AKAP19: variants seen among roughly 807,000 people sequenced by gnomAD.
AKAP19 encodes small A-kinase anchoring protein.
the AKAP19 span, among the ~76,000 whole-genome samples, chr2:190,083,913 G>A: frequency 1.4e-4 from 22 of 152,018 alleles, no homozygotes; most frequent in Admixed American, 1.3e-4. Context: ...GTCACACAGC[G>A]AGCAAGTTAC....
chr2:189,927,435 G>A, the AKAP19 span, among the ~76,000 whole-genome samples: 2 of 152,110 alleles, frequency 1.3e-5, no homozygotes, highest in Non-Finnish European at 2.9e-5. Context: ...GTACAAATAA[G>A]TTTTAGTGAG....
chr2:190,199,712 GA>G, the AKAP19 span: 1 of 1,467,034 alleles, frequency 6.8e-7, no homozygotes, highest in Non-Finnish European at 9.0e-7. Context: ...CACTACACGT[GA>G]AGAGTGGTGA....
chr2:190,107,525 T>A, the AKAP19 span, among the ~76,000 whole-genome samples: 1 of 152,210 alleles, frequency 6.6e-6, no homozygotes, highest in Non-Finnish European at 1.5e-5. Flanking sequence ...AAATATGGAA[T>A]TGGGCCGGTT....
the AKAP19 span, among the ~76,000 whole-genome samples, chr2:190,039,746 C>T: frequency 6.6e-6 from 1 of 152,024 alleles, no homozygotes; most frequent in Non-Finnish European, 1.5e-5. Context: ...TCATTTAGCT[C>T]CCACTTTAAA....
chr2:190,115,362 C>G, the AKAP19 span, among the ~76,000 whole-genome samples: 1 of 95,342 alleles, frequency 1.0e-5, no homozygotes, highest in Non-Finnish European at 1.9e-5. Context: ...CTCTGTCGCC[C>G]AGGCTGGAGT....
At chr2:190,043,186 T>C in the AKAP19 span, among the ~76,000 whole-genome samples, 1 of 152,184 alleles carries the variant, frequency 6.6e-6, no homozygotes, top group African/African-American at 2.4e-5. Flanking sequence ...GTGATCTTCT[T>C]GTGTAGTATC....
At chr2:189,904,288 T>A in the AKAP19 span, among the ~76,000 whole-genome samples, 16 of 152,050 alleles carry the variant, frequency 1.1e-4, no homozygotes, top group African/African-American at 3.6e-4. Flanking sequence ...GTCAATACTC[T>A]GTTTTGCAGA....
At chr2:190,022,999 TC>T in the AKAP19 span, among the ~76,000 whole-genome samples, 1 of 152,154 alleles carries the variant, frequency 6.6e-6, no homozygotes, top group Non-Finnish European at 1.5e-5. Context: ...TGTCTCTGGT[TC>T]CTTTTGGCTA....
the AKAP19 span, among the ~76,000 whole-genome samples, chr2:190,135,090 T>G: frequency 6.6e-6 from 1 of 152,200 alleles, no homozygotes; most frequent in Non-Finnish European, 1.5e-5. Context: ...TTTTTTATGT[T>G]AGTATTTGGA....
At chr2:190,023,603 C>G in the AKAP19 span, among the ~76,000 whole-genome samples, 1 of 151,568 alleles carries the variant, frequency 6.6e-6, no homozygotes, top group Admixed American at 6.6e-5. Context: ...TGTTTTTATT[C>G]CAGTGTTCTT....
chr2:190,057,515 C>T, the AKAP19 span: 5 of 1,613,556 alleles, frequency 3.1e-6, no homozygotes, highest in Non-Finnish European at 4.2e-6. Flanking sequence ...CCAAAAGCTT[C>T]AAAATCCACA....
chr2:190,005,119 C>T, the AKAP19 span, among the ~76,000 whole-genome samples: 1 of 152,114 alleles, frequency 6.6e-6, no homozygotes, highest in African/African-American at 2.4e-5. Context: ...GTGGACCTTC[C>T]CAGTGAGTGT....
the AKAP19 span, among the ~76,000 whole-genome samples, chr2:189,997,525 T>C: frequency 6.6e-6 from 1 of 152,136 alleles, no homozygotes; most frequent in Non-Finnish European, 1.5e-5. Context: ...GGATTATGGC[T>C]GCCTCTGTCA....
chr2:190,013,335 G>A, the AKAP19 span, among the ~76,000 whole-genome samples: 1 of 151,874 alleles, frequency 6.6e-6, no homozygotes, highest in Non-Finnish European at 1.5e-5. Context: ...ATTCAGCCTT[G>A]GTAGGTTGTA....
the AKAP19 span, among the ~76,000 whole-genome samples, chr2:190,017,432 T>C: frequency 6.6e-6 from 1 of 152,168 alleles, no homozygotes; most frequent in Non-Finnish European, 1.5e-5. Flanking sequence ...CTGTATCTGC[T>C]ATAGAGTATT....
chr2:189,933,739 C>T, the AKAP19 span, among the ~76,000 whole-genome samples: 5 of 152,098 alleles, frequency 3.3e-5, no homozygotes, highest in African/African-American at 9.7e-5. Flanking sequence ...TTCTCAGTTT[C>T]TAAGAGACTA....
chr2:189,932,090 A>C, the AKAP19 span, among the ~76,000 whole-genome samples: 3 of 152,182 alleles, frequency 2.0e-5, no homozygotes, highest in Non-Finnish European at 4.4e-5. Flanking sequence ...TTATGTGATG[A>C]GCAGAGATTA....
the AKAP19 span, chr2:189,923,779 A>G: frequency 1.2e-6 from 2 of 1,613,034 alleles, no homozygotes; most frequent in Non-Finnish European, 1.7e-6. Context: ...GTCAGCGTGT[A>G]TCAGGAAACA....
the AKAP19 span, among the ~76,000 whole-genome samples, chr2:190,067,579 C>G: frequency 6.6e-6 from 1 of 152,174 alleles, no homozygotes. Context: ...TGCAGGCAAT[C>G]TAGAGGTCAT....
Sources: allele counts gnomAD v4.1 joint callset (sites outside exome capture counted in the v4.1 genomes callset), GRCh38; gene constraint gnomAD v4.1.1; transcripts MANE v1.5; gene names NCBI Gene and HGNC (gene_info 2026-07-23, HGNC 2026-07-21).